ZBED4: variants seen among roughly 807,000 people sequenced by gnomAD.
ZBED4 encodes zinc finger BED domain-containing protein 4.
In ZBED4, 4 loss-of-function variants were observed where a neutral mutation model predicts 15.5. The ratio of observed to expected loss-of-function variants is 0.26; its 90% confidence interval spans 0.13 to 0.59. The LOEUF (loss-of-function observed/expected upper bound fraction) is 0.59, where lower values mean the gene tolerates loss of function less well. ZBED4 is among the 20% of genes least tolerant of loss of function. ZBED4 has a pLI of 0.90. For synonymous variants in ZBED4, 692 were observed against 608.5 expected, an observed-to-expected ratio of 1.14 and a Z score of -2.02; for missense variants, 1,323 against 1,461.8, an observed-to-expected ratio of 0.91 and a Z score of 1.55.
In ZBED4 at chr22:49,887,746, G is replaced by A. The variant is rs1207321074; in HGVS notation, c.*568G>A. On this transcript the variant is annotated 3_prime_UTR_variant, in exon 2 of 2. Transcript: ENST00000216268. ...GGTAACTGTTTACTACGACAGAGAC[G>A]TGGCATTTGGAAACGAAACTTAGAT... 3.6e-5 allele frequency: 6 copies of A among 167,244 alleles called. 1 individual carries two copies. The highest frequency in any genetic ancestry group is 1.4e-4 in the African/African-American group (6 of 41,454). 10.4% of individuals were successfully genotyped at this position (167,244 alleles called of 1,614,324 possible).
intron 1 of ZBED4, among the ~76,000 whole-genome samples, chr22:49,873,920 G>A (rs566400246): frequency 6.6e-6 from 1 of 152,236 alleles, no homozygotes; most frequent in Admixed American, 6.5e-5. Context: ...GGAATGGGGC[G>A]GCGCTGCCAC....
rs779392478 is a variant in ZBED4 at position 49,887,371 on chromosome 22, T to C, written c.*193T>C. Reference sequence around the variant, plus strand: ...TTCAGGCCAAGTTTCGCGGGGTGTTTTATTAAGACGTCCACTAGAAATAGC... The same window carrying C: ...TTCAGGCCAAGTTTCGCGGGGTGTTCTATTAAGACGTCCACTAGAAATAGC... On this transcript the variant is annotated 3_prime_UTR_variant, in exon 2 of 2. Coordinates refer to ENST00000216268, the MANE Select transcript of ZBED4 (RefSeq NM_014838.3). 49 of 505,768 alleles carry C rather than the reference T, an allele frequency of 9.7e-5. 1 individual carries two copies. The highest frequency in any genetic ancestry group is 1.5e-4 in the Non-Finnish European group (43 of 281,580). 31.3% of individuals were successfully genotyped at this position (505,768 alleles called of 1,614,324 possible). A position where few individuals can be genotyped will look rare whatever the true frequency, so the allele number is the denominator to read the frequency against.
At chr22:49,878,165 C>G (rs745406004) in intron 1 of ZBED4, among the ~76,000 whole-genome samples, 2 of 152,032 alleles carry the variant, frequency 1.3e-5, no homozygotes, top group African/African-American at 4.8e-5. Flanking sequence ...ATTAGCCAGA[C>G]GTGGTGACAG....
intron 1 of ZBED4, among the ~76,000 whole-genome samples, chr22:49,865,629 C>G (rs2060318943): frequency 1.3e-5 from 2 of 152,052 alleles, no homozygotes; most frequent in Admixed American, 6.5e-5. Flanking sequence ...GAGCAGAGAT[C>G]ACACCACTGC....
At chr22:49,867,397 C>T (rs1323900622) in intron 1 of ZBED4, among the ~76,000 whole-genome samples, 3 of 152,176 alleles carry the variant, frequency 2.0e-5, no homozygotes, top group South Asian at 2.1e-4. Flanking sequence ...GGAGGCACTG[C>T]GGTGCATCCA....
Position 49,885,123 on chromosome 22 carries a change from G to T in ZBED4, c.1461G>T (p.Gly487=). 6.2e-7 allele frequency: 1 copy of T among 1,614,238 alleles called. No homozygotes were observed. The highest frequency in any genetic ancestry group is 1.1e-5 in the South Asian group (1 of 91,084). ...ACTGCGGCTGTGCCATCAGCCGGGG[G>T]AAGAAGGGTGATGTGGGCACCAGCT... ...CRYCGCAISR[G]KKGDVGTSCL... Residue 487 remains glycine, a synonymous_variant, in exon 2 of 2, where the codon GGG becomes GGT. Transcript: ENST00000216268.
intron 1 of ZBED4, among the ~76,000 whole-genome samples, chr22:49,855,664 C>T (rs1284747851): frequency 1.3e-5 from 2 of 152,134 alleles, no homozygotes; most frequent in Non-Finnish European, 2.9e-5. Context: ...AGGAAGTGAC[C>T]GTGGTCAGTG....
upstream of ZBED4, chr22:49,853,841 G>A (rs1472251486): frequency 2.1e-5 from 3 of 144,922 alleles, no homozygotes; most frequent in Non-Finnish European, 3.1e-5. Flanking sequence ...CCCTGGGAGG[G>A]GCGCAGCGTC....
At chr22:49,853,593 C>T (rs1321067451), upstream of ZBED4, among the ~76,000 whole-genome samples, 2 of 152,110 alleles carry the variant, frequency 1.3e-5, no homozygotes, top group Non-Finnish European at 2.9e-5. Flanking sequence ...CCCGCCAGCG[C>T]CGGAGCGCCC....
In ZBED4 at chr22:49,888,561, C is replaced by G. The variant is rs1354799943; in HGVS notation, c.*1383C>G. ...TTTGAAATTTCACCTTAACCCCAGA[C>G]AGGGCTCCAGGGAAGTGGAGATGTA... On this transcript the variant is annotated 3_prime_UTR_variant, in exon 2 of 2. Coordinates refer to ENST00000216268, the MANE Select transcript of ZBED4 (RefSeq NM_014838.3). 3 of 167,264 alleles carry G rather than the reference C, an allele frequency of 1.8e-5. No homozygotes were observed. The highest frequency in any genetic ancestry group is 7.2e-5 in the African/African-American group (3 of 41,464). The allele number at this position is 167,264 out of a possible 1,614,324, so 10.4% of individuals were successfully genotyped here.
chr22:49,878,394 C>T (rs1246233158), intron 1 of ZBED4, among the ~76,000 whole-genome samples: 1 of 151,106 alleles, frequency 6.6e-6, no homozygotes, highest in East Asian at 1.9e-4. Flanking sequence ...GTTACGTGGT[C>T]AGTATAAACA....
At chr22:49,861,155 C>G (rs780537503) in intron 1 of ZBED4, among the ~76,000 whole-genome samples, 21 of 152,174 alleles carry the variant, frequency 1.4e-4, no homozygotes, top group Non-Finnish European at 2.5e-4. Flanking sequence ...TCCTGTCTTT[C>G]ACAAAAGTTA....
rs1448749522 is a variant in ZBED4, at chr22:49,884,654, T to C, written c.992T>C (p.Met331Thr). 6.2e-7 allele frequency: 1 copy of C among 1,612,358 alleles called. No individual in the cohort carries two copies. Among genetic ancestry groups the C allele is most frequent in the Non-Finnish European group, 8.5e-7 (1 of 1,179,126 alleles). ...GGCACGAGCTGCCTCATCAGGCACA[T>C]GTGGAGGGCACACCGCGCCATCGTG... ...DLGTSCLIRH[M>T]WRAHRAIVLQ... The change falls in exon 2 of 2, where the codon ATG becomes ACG. Residue 331 changes from methionine to threonine, a missense_variant. Physicochemically the swap from Met to Thr is moderately conservative, Grantham distance 81 (BLOSUM62 -1). Transcript: ENST00000216268.
intron 1 of ZBED4, among the ~76,000 whole-genome samples, chr22:49,879,553 G>A (rs1206274347): frequency 1.3e-5 from 2 of 149,856 alleles, no homozygotes; most frequent in East Asian, 2.0e-4. Context: ...TCTTATGTCC[G>A]GGCCTGTTTT....
At chr22:49,864,326 A>G (rs1349821860) in intron 1 of ZBED4, among the ~76,000 whole-genome samples, 1 of 152,236 alleles carries the variant, frequency 6.6e-6, no homozygotes, top group East Asian at 1.9e-4. Flanking sequence ...CACAATCTCA[A>G]AATAACAATG....
intron 1 of ZBED4, among the ~76,000 whole-genome samples, chr22:49,864,378 G>A (rs2060310555): frequency 6.6e-6 from 1 of 152,220 alleles, no homozygotes; most frequent in African/African-American, 2.4e-5. Flanking sequence ...AAACAGTGAA[G>A]ATATTTTTTG....
chr22:49,875,761 T>A (rs1242991806), intron 1 of ZBED4, among the ~76,000 whole-genome samples: 2 of 152,128 alleles, frequency 1.3e-5, no homozygotes, highest in Admixed American at 6.6e-5. Context: ...TTTTATAAAA[T>A]TTTTTATATG....
At chr22:49,858,117 G>T (rs1215451215) in intron 1 of ZBED4, among the ~76,000 whole-genome samples, 1 of 151,770 alleles carries the variant, frequency 6.6e-6, no homozygotes, top group Non-Finnish European at 1.5e-5. Context: ...GGCCAGGCTG[G>T]TCTCAAACTC....
At chr22:49,870,418 G>C (rs1473392244) in intron 1 of ZBED4, among the ~76,000 whole-genome samples, 1 of 152,178 alleles carries the variant, frequency 6.6e-6, no homozygotes, top group East Asian at 1.9e-4. Flanking sequence ...CTCCGCAGTG[G>C]CTGAACTCAT....
Sources: gnomAD v4.1 joint callset for allele counts (sites outside exome capture counted in the v4.1 genomes callset) on GRCh38, gnomAD v4.1.1 for gene constraint, MANE v1.5 for transcripts, NCBI Gene and HGNC (gene_info 2026-07-23, HGNC 2026-07-21) for gene names.